The following TTN variants were observed in gnomAD, a reference collection of about 807,000 sequenced individuals.
TTN encodes titin, also known as connectin.
TTN carries 1,525 observed loss-of-function variants against 3,223.0 expected under a neutral mutation model. The observed-to-expected ratio is 0.47, with a 90% CI of 0.45 to 0.49. The LOEUF (loss-of-function observed/expected upper bound fraction) is 0.49. Among genes scored for constraint, TTN ranks in the 20% least tolerant of loss-of-function variants. The pLI is 0.00. For synonymous variants in TTN, 14,094 were observed against 15,161.0 expected (o/e 0.93, Z 5.17); for missense variants, 40,786 against 43,424.0 (o/e 0.94, Z 5.40).
intron 44 of TTN, 102 bp downstream of exon 44, chr2:178,758,882 T>C: frequency 8.3e-7 from 1 of 1,211,038 alleles, no homozygotes; most frequent in South Asian, 1.2e-5. Context: ...AAGAGAATGG[T>C]AGGAACAACA....
At position 178,550,126 on chromosome 2, in the gene TTN, A is replaced by G. The variant is rs1392457168; in HGVS notation, c.91712T>C (p.Met30571Thr). ...FKDGVEIEKR[M>T]NMEITDVLGS... ...AAGTACGTCGGTTATTTCCATATTCATCCTCTTTTCGATTTCCACTCCATC... is the reference window on the plus strand; with the variant it reads ...AAGTACGTCGGTTATTTCCATATTCGTCCTCTTTTCGATTTCCACTCCATC... The change falls in exon 337 of 363, where the codon ATG (methionine) becomes ACG (threonine). Residue 30571 changes from methionine to threonine, a missense_variant. Coordinates refer to ENST00000589042, the MANE Select transcript of TTN (RefSeq NM_001267550.2). The G allele has an allele frequency of 1.2e-6, 2 of 1,613,688 alleles. No individual in the cohort carries two copies. The highest frequency in any genetic ancestry group is 1.3e-5 in the African/African-American group (1 of 75,000).
intron 168 of TTN, 140 bp downstream of exon 168, chr2:178,664,320 A>T: frequency 1.3e-6 from 1 of 793,980 alleles, no homozygotes; most frequent in South Asian, 1.8e-5. Context: ...GAAGATATTA[A>T]TACATTTACA....
rs1270174085 is a variant in TTN, at chr2:178,717,545, G to T, written c.25329C>A (p.Ser8443=). 1 of 1,609,434 alleles carries T rather than the reference G, an allele frequency of 6.2e-7. No homozygotes were observed. The change falls in exon 87 of 363, where the codon TCC becomes TCA. Residue 8443 remains serine (S), a synonymous_variant. Coordinates refer to ENST00000589042, the MANE Select transcript of TTN (RefSeq NM_001267550.2). ...CACCTGAGAGAATGAGCTTGGCACT[G>T]GATGAAGCAGTCCCAAGAGGATTAG... ...SASNPLGTAS[S]SAKLILSEHE...
chr2:178,675,932 GGAGCC>G lies in TTN; in HGVS notation c.34437_34441del (p.Glu11479AspfsTer10). On this transcript the variant is annotated frameshift_variant, in exon 148 of 363. Coordinates refer to ENST00000589042, the MANE Select transcript of TTN (RefSeq NM_001267550.2). LOFTEE classifies it high-confidence loss of function. ...CGGAATAGCAATACCTTTGGCAGGG[GGAGCC>G]TCCTCTTTCTTGGGAATGACCACTT... 1.2e-6 allele frequency: 2 copies of G among 1,607,796 alleles called. No homozygotes were observed. Among genetic ancestry groups the G allele is most frequent in the Non-Finnish European group, 1.7e-6 (2 of 1,176,638 alleles).
At position 178,625,340 on chromosome 2, in the gene TTN, T is replaced by C; in HGVS notation, c.44481A>G (p.Leu14827=). The C allele has an allele frequency of 1.2e-6, 2 of 1,603,312 alleles. No homozygotes were observed. The highest frequency in any genetic ancestry group is 2.3e-5 in the East Asian group (1 of 44,116). The part of the protein sequence containing the change: ...VHTLTLRDVK[L]EDAGEVQLTA... Reference sequence around the variant, plus strand: ...TTAGTTGGACTTCCCCAGCATCTTCTAACTTTACATCCCTCAGAGTAAGTG... The same window carrying C: ...TTAGTTGGACTTCCCCAGCATCTTCCAACTTTACATCCCTCAGAGTAAGTG... The change falls in exon 241 of 363, where the codon TTA becomes TTG. Residue 14827 remains leucine (L), a synonymous_variant. Transcript: ENST00000589042.
At position 178,721,438 on chromosome 2, in the gene TTN, T is replaced by C. The variant is rs559102202; in HGVS notation, c.22817-236A>G. Reference sequence around the variant, plus strand: ...TATACTTTAAGTTTTAGGGTACATGTGCATTTTTAATAGAGAATTTAGTTG... The same window carrying C: ...TATACTTTAAGTTTTAGGGTACATGCGCATTTTTAATAGAGAATTTAGTTG... On this transcript the variant is annotated intron_variant, in intron 78 of 362. Transcript: ENST00000589042. Among the ~76,000 whole-genome samples, 13 of 152,114 alleles carry C rather than the reference T, an allele frequency of 8.5e-5. No individual in the cohort carries two copies. The East Asian group carries it at 1.2e-3, about 14-fold the overall frequency.
rs2303835 is a variant in TTN at position 178,598,679 on chromosome 2, T to G, written c.56963-25A>C. 2,590 of 1,601,776 alleles carry G rather than the reference T, an allele frequency of 1.6e-3. 67 individuals are homozygous for G. The East Asian group carries it at 0.05, about 31-fold the overall frequency. On this transcript the variant is annotated intron_variant, in intron 291 of 362. Transcript: ENST00000589042. ...GCTGCAAAGAGCCAGTATACGTTAGTATTCTTGACTTTTCCAAGGCACTTT... is the reference window on the plus strand; with the variant it reads ...GCTGCAAAGAGCCAGTATACGTTAGGATTCTTGACTTTTCCAAGGCACTTT...
intron 130 of TTN, 40 bp downstream of exon 130, chr2:178,684,864 TAA>T (rs770223266): frequency 6.4e-7 from 1 of 1,555,554 alleles, no homozygotes; most frequent in Non-Finnish European, 8.7e-7. Context: ...AATTTAAGAT[TAA>T]AAAAAGACAG....
Position 178,723,558 on chromosome 2 carries a change from T to C in TTN, c.21542A>G (p.Asp7181Gly). ...FRGARELVKG[D>G]RCNIYFEDTV... ...GTCTTCAAAATAGATGTTGCACCGGTCTCCTTTCACTAGTTCTCTGGCACC... is the reference window on the plus strand; with the variant it reads ...GTCTTCAAAATAGATGTTGCACCGGCCTCCTTTCACTAGTTCTCTGGCACC... Residue 7181 changes from aspartate to glycine, a missense_variant, in exon 74 of 363, where the codon GAC (aspartate) becomes GGC (glycine). Transcript: ENST00000589042. The C allele has an allele frequency of 1.2e-6, 2 of 1,613,410 alleles. No homozygotes were observed. The highest frequency in any genetic ancestry group is 1.7e-6 in the Non-Finnish European group (2 of 1,179,588).
Position 178,667,449 on chromosome 2 carries a change from T to C in TTN, c.35706A>G (p.Ala11902=). Residue 11902 remains alanine (A), a synonymous_variant, in exon 161 of 363, where the codon GCA becomes GCG. Transcript: ENST00000589042. ...VTIPKKRETP[A]TKEPDTTRGI... Reference sequence around the variant, plus strand: ...GATGTATTTGAAATATACCTTTAGTTGCTGGTGTTTCTCTCTTTTTAGGAA... The same window carrying C: ...GATGTATTTGAAATATACCTTTAGTCGCTGGTGTTTCTCTCTTTTTAGGAA... 6.2e-7 allele frequency: 1 copy of C among 1,600,714 alleles called. No individual in the cohort carries two copies. The highest frequency in any genetic ancestry group is 8.5e-7 in the Non-Finnish European group (1 of 1,176,154).
rs2154199718 is a variant in TTN, at chr2:178,611,371, C to T, written c.50857+1G>A. On this transcript the variant is annotated splice_donor_variant, in intron 269 of 362. Transcript: ENST00000589042. LOFTEE classifies it high-confidence loss of function. ...AACTATAAAAGACCTTGTGCTCTTA[C>T]AGTCTGGGTCTTTGGCAACCACATT... is the stretch of plus-strand genomic sequence containing the variant. The T allele has an allele frequency of 6.2e-7, 1 of 1,612,640 alleles. No homozygotes were observed.
At chr2:178,645,460 T>C (rs2061790255) in intron 217 of TTN, among the ~76,000 whole-genome samples, 1 of 152,124 alleles carries the variant, frequency 6.6e-6, no homozygotes, top group African/African-American at 2.4e-5. Flanking sequence ...ATCATAACTA[T>C]ATTACTTGTA....
rs868813015 is a variant in TTN at position 178,560,075 on chromosome 2, T to C, written c.86057A>G (p.Tyr28686Cys). Residue 28686 changes from tyrosine (Y) to cysteine (C), a missense_variant, in exon 326 of 363, where the codon TAT (tyrosine) becomes TGT (cysteine). Physicochemically the swap from Tyr to Cys is radical, Grantham distance 194. Coordinates refer to ENST00000589042, the MANE Select transcript of TTN (RefSeq NM_001267550.2). ...ATCAGATTTTTTGTATTCTACAGTATATCCAGTTATCGGGGCCCCACCATC... is the reference window on the plus strand; with the variant it reads ...ATCAGATTTTTTGTATTCTACAGTACATCCAGTTATCGGGGCCCCACCATC... ...LFDGGAPITG[Y>C]TVEYKKSDDT... The C allele has an allele frequency of 5.6e-6, 9 of 1,613,716 alleles. No homozygotes were observed. Among genetic ancestry groups the C allele is most frequent in the Non-Finnish European group, 6.8e-6 (8 of 1,179,786 alleles).
At chr2:178,559,193 G>T in intron 326 of TTN, 118 bp downstream of exon 326, 1 of 874,130 alleles carries the variant, frequency 1.1e-6, no homozygotes, top group Non-Finnish European at 1.7e-6. Flanking sequence ...ATAGTTTGGG[G>T]TGTGAAGGGT....
intron 96 of TTN, 63 bp from the exon 97 acceptor site, chr2:178,711,412 A>G (rs2076635507): frequency 6.8e-7 from 1 of 1,467,592 alleles, no homozygotes; most frequent in Non-Finnish European, 9.1e-7. Flanking sequence ...TCACAATTAT[A>G]TATATACAAA....
chr2:178,730,210 C>G lies in TTN; in HGVS notation c.18190G>C (p.Asp6064His), dbSNP rs750822862. 1.9e-6 allele frequency: 3 copies of G among 1,613,364 alleles called. No individual in the cohort carries two copies. The highest frequency in any genetic ancestry group is 2.7e-5 in the African/African-American group (2 of 74,892). ...AAGAGCTCTAGACTGGTAGAGGTGT[C>G]ATCCTTCCAAACTGAGCGGGCTGCT... is the stretch of plus-strand genomic sequence containing the variant. ...SGAARSVWKDDTSTSLELFAA... is the reference protein window; with the variant it reads ...SGAARSVWKDHTSTSLELFAA... Residue 6064 changes from aspartate to histidine, a missense_variant, in exon 62 of 363, where the codon GAC (aspartate) becomes CAC (histidine). Physicochemically the swap from Asp to His is moderately conservative, Grantham distance 81 (BLOSUM62 -1). Coordinates refer to ENST00000589042, the MANE Select transcript of TTN (RefSeq NM_001267550.2).
At position 178,611,749 on chromosome 2, in the gene TTN, A is replaced by G. The variant is rs370798229; in HGVS notation, c.50551+9T>C. ...AGACAATATCTTGTGTATAATCAGC[A>G]CTACTTACTTGTTGGATCTTCAATG... On this transcript the variant is annotated intron_variant, in intron 268 of 362. Coordinates refer to ENST00000589042, the MANE Select transcript of TTN (RefSeq NM_001267550.2). 1.2e-5 allele frequency: 19 copies of G among 1,611,364 alleles called. No homozygotes were observed. The African/African-American group carries it at 2.3e-4, about 19-fold the overall frequency.
chr2:178,679,344 G>A lies in TTN; in HGVS notation c.33737C>T (p.Ala11246Val). 1 of 1,612,526 alleles carries A rather than the reference G, an allele frequency of 6.2e-7. No individual in the cohort carries two copies. The highest frequency in any genetic ancestry group is 8.5e-7 in the Non-Finnish European group (1 of 1,178,952). Residue 11246 changes from alanine (A) to valine (V), a missense_variant, in exon 142 of 363, where the codon GCA (alanine) becomes GTA (valine). Ala to Val is a moderately conservative substitution (Grantham distance 64). Coordinates refer to ENST00000589042, the MANE Select transcript of TTN (RefSeq NM_001267550.2). The part of the protein sequence containing the change: ...LIPKKEKPPP[A>V]KVPEVPKKPV... Reference sequence around the variant, plus strand: ...GATGGATTATAAGGATGTACCTTTTGCTGGCGGAGGCTTCTCCTTTTTAGG... The same window carrying A: ...GATGGATTATAAGGATGTACCTTTTACTGGCGGAGGCTTCTCCTTTTTAGG...
intron 127 of TTN, among the ~76,000 whole-genome samples, chr2:178,687,663 A>G (rs1382033404): frequency 6.6e-6 from 1 of 152,216 alleles, no homozygotes; most frequent in East Asian, 1.9e-4. Flanking sequence ...AAATGCCTAG[A>G]ATAAAAAAAT....
Sources: allele counts gnomAD v4.1 joint callset (sites outside exome capture counted in the v4.1 genomes callset), GRCh38; gene constraint gnomAD v4.1.1; transcripts MANE v1.5; gene names NCBI Gene and HGNC (gene_info 2026-07-23, HGNC 2026-07-21).